The following VSTM4 variants were observed in gnomAD, a reference collection of about 807,000 sequenced individuals.
The protein encoded by VSTM4 is V-set and transmembrane domain containing 4.
VSTM4 carries 20 observed loss-of-function variants against 36.4 expected under a neutral mutation model. The ratio of observed to expected loss-of-function variants is 0.55; its 90% CI spans 0.39 to 0.80. The LOEUF (loss-of-function observed/expected upper bound fraction) is 0.80. VSTM4 is among the 30% of genes least tolerant of loss of function. The pLI is 0.00. For synonymous variants in VSTM4, 182 were observed against 173.9 expected (o/e 1.05, Z -0.37); for missense variants, 392 against 404.5 (o/e 0.97, Z 0.26).
chr10:49,037,110 T>C (rs911230247), intron 7 of VSTM4, among the ~76,000 whole-genome samples: 1 of 152,216 alleles, frequency 6.6e-6, no homozygotes, highest in African/African-American at 2.4e-5. Context: ...CAAGGACTTT[T>C]AGAATTCTCA....
At chr10:49,053,003 C>T (rs959403543) in intron 5 of VSTM4, among the ~76,000 whole-genome samples, 2 of 152,130 alleles carry the variant, frequency 1.3e-5, no homozygotes, top group Non-Finnish European at 2.9e-5. Context: ...CAGGACTGGT[C>T]GGAATATTTG....
At chr10:49,057,723 C>G (rs1453424742) in intron 5 of VSTM4, among the ~76,000 whole-genome samples, 1 of 152,124 alleles carries the variant, frequency 6.6e-6, no homozygotes, top group African/African-American at 2.4e-5. Context: ...GGGAGGTGGC[C>G]AGGGAGACCC....
At chr10:49,104,026 A>C (rs1202732179) in intron 2 of VSTM4, among the ~76,000 whole-genome samples, 1 of 152,078 alleles carries the variant, frequency 6.6e-6, no homozygotes, top group African/African-American at 2.4e-5. Context: ...TTTCCATTTA[A>C]GGTGGCTCAC....
chr10:49,085,346 T>C (rs978536360), intron 3 of VSTM4, among the ~76,000 whole-genome samples: 1 of 152,356 alleles, frequency 6.6e-6, no homozygotes, highest in Non-Finnish European at 1.5e-5. Context: ...GTCCAGGCAT[T>C]CATGTTCTTA....
At chr10:49,076,161 G>A (rs1003374630) in intron 4 of VSTM4, among the ~76,000 whole-genome samples, 2 of 152,218 alleles carry the variant, frequency 1.3e-5, no homozygotes, top group Admixed American at 6.5e-5. Context: ...CACTGTTGGA[G>A]TGGCCCCTCA....
At chr10:49,051,148 C>A (rs767003328) in intron 5 of VSTM4, among the ~76,000 whole-genome samples, 1 of 152,170 alleles carries the variant, frequency 6.6e-6, no homozygotes, top group Non-Finnish European at 1.5e-5. Flanking sequence ...ATGAACCCAG[C>A]ATCATAGCAT....
chr10:49,023,806 G>C (rs577938686), intron 7 of VSTM4, among the ~76,000 whole-genome samples: 1 of 152,144 alleles, frequency 6.6e-6, no homozygotes, highest in Non-Finnish European at 1.5e-5. Flanking sequence ...AGAAGGTTGC[G>C]GAGTGTTAGT....
chr10:49,087,622 C>T (rs1234652217), intron 2 of VSTM4, among the ~76,000 whole-genome samples: 1 of 152,010 alleles, frequency 6.6e-6, no homozygotes, highest in Non-Finnish European at 1.5e-5. Context: ...CTTCAGGGTT[C>T]CCCAGCAAAA....
intron 5 of VSTM4, among the ~76,000 whole-genome samples, chr10:49,061,112 T>A (rs577173159): frequency 6.6e-6 from 1 of 152,326 alleles, no homozygotes; most frequent in East Asian, 1.9e-4. Flanking sequence ...GACTTTGTTA[T>A]TTTTTAAAAT....
At chr10:49,060,561 A>G (rs896001889) in intron 5 of VSTM4, among the ~76,000 whole-genome samples, 1 of 152,164 alleles carries the variant, frequency 6.6e-6, no homozygotes, top group Admixed American at 6.5e-5. Flanking sequence ...CTGTCACCTC[A>G]TTATTGAGTT....
intron 2 of VSTM4, among the ~76,000 whole-genome samples, chr10:49,092,293 A>G (rs541798082): frequency 1.3e-5 from 2 of 152,308 alleles, no homozygotes; most frequent in Non-Finnish European, 2.9e-5. Context: ...CTGAGGCTCC[A>G]GGCCCGAGGA....
At chr10:49,088,273 G>A (rs1417334843) in intron 2 of VSTM4, among the ~76,000 whole-genome samples, 2 of 152,102 alleles carry the variant, frequency 1.3e-5, no homozygotes, top group Non-Finnish European at 2.9e-5. Context: ...GCTGATAGGT[G>A]CTTGGTAAAA....
rs1843106565 is a variant in VSTM4 at position 49,016,482 on chromosome 10, T to C, written c.*3168A>G. 1.3e-5 allele frequency: 2 copies of C among 152,244 alleles called. No individual in the cohort carries two copies. Among genetic ancestry groups the C allele is most frequent in the African/African-American group, 4.8e-5 (2 of 41,458 alleles). 9.4% of individuals were successfully genotyped at this position (152,244 alleles called of 1,614,324 possible). On this transcript the variant is annotated 3_prime_UTR_variant, in exon 8 of 8. Coordinates refer to ENST00000332853, the MANE Select transcript of VSTM4 (RefSeq NM_001031746.5). ...ATATTCCAGGGGGCCATGTGCATGC[T>C]TAGGACCATTTCTGGCATGAGCTCC...
At chr10:49,077,137 G>A (rs968708637) in intron 4 of VSTM4, 82 bp downstream of exon 4, 2 of 1,381,308 alleles carry the variant, frequency 1.4e-6, no homozygotes, top group Admixed American at 1.9e-5. Flanking sequence ...TTCCACCAAG[G>A]TGGTACTTTG....
intron 7 of VSTM4, among the ~76,000 whole-genome samples, chr10:49,031,666 A>G (rs1843348019): frequency 6.6e-6 from 1 of 152,214 alleles, no homozygotes; most frequent in East Asian, 1.9e-4. Flanking sequence ...CTTCTAAATA[A>G]TAAGTCAAAC....
intron 7 of VSTM4, among the ~76,000 whole-genome samples, chr10:49,033,898 A>G (rs996282247): frequency 6.6e-6 from 1 of 152,094 alleles, no homozygotes; most frequent in Non-Finnish European, 1.5e-5. Context: ...TACCACCGCC[A>G]TCACCACCAT....
chr10:49,049,456 A>G (rs1210642318), intron 5 of VSTM4, among the ~76,000 whole-genome samples: 2 of 152,198 alleles, frequency 1.3e-5, no homozygotes, highest in East Asian at 1.9e-4. Flanking sequence ...ACTTTCTTGA[A>G]TGACCATTCA....
intron 2 of VSTM4, among the ~76,000 whole-genome samples, chr10:49,090,866 C>T (rs557027550): frequency 6.6e-6 from 1 of 152,306 alleles, no homozygotes; most frequent in African/African-American, 2.4e-5. Context: ...TCTCACGGAG[C>T]CCCACCTGTG....
At chr10:49,031,007 AT>A (rs1440791647) in intron 7 of VSTM4, among the ~76,000 whole-genome samples, 1 of 152,228 alleles carries the variant, frequency 6.6e-6, no homozygotes, top group African/African-American at 2.4e-5. Flanking sequence ...CCTGTGGTCC[AT>A]AGATGTTTGA....
Sources: gnomAD v4.1 joint callset for allele counts (sites outside exome capture counted in the v4.1 genomes callset) on GRCh38, gnomAD v4.1.1 for gene constraint, MANE v1.5 for transcripts, NCBI Gene and HGNC (gene_info 2026-07-23, HGNC 2026-07-21) for gene names.